ZNF423: variants seen among roughly 807,000 people sequenced by gnomAD.
ZNF423 encodes the protein zinc finger protein 423.
Under a neutral mutation model 95.8 loss-of-function variants are expected in ZNF423, and 12 were observed. The ratio of observed to expected loss-of-function variants is 0.13; its 90% CI spans 0.08 to 0.20. The LOEUF is 0.20. Among genes scored for constraint, ZNF423 ranks in the 10% least tolerant of loss-of-function variants. The pLI is 1.00. For missense variants in ZNF423, 1,316 were observed against 1,737.1 expected, an observed-to-expected ratio of 0.76 and a Z score of 4.31; for synonymous variants, 749 against 711.9, an observed-to-expected ratio of 1.05 and a Z score of -0.83.
chr16:49,562,086 G>C (rs1052497036), intron 5 of ZNF423, among the ~76,000 whole-genome samples: 1 of 152,174 alleles, frequency 6.6e-6, no homozygotes, highest in Non-Finnish European at 1.5e-5. Flanking sequence ...AGAAGCTGTA[G>C]ACATAATATC....
rs1441718763 is a variant in ZNF423, at chr16:49,636,562, T to C, written c.2614A>G (p.Lys872Glu). The C allele has an allele frequency of 1.2e-6, 2 of 1,613,956 alleles. No homozygotes were observed. The highest frequency in any genetic ancestry group is 1.7e-6 in the Non-Finnish European group (2 of 1,180,012). Residue 872 changes from lysine (K) to glutamate (E), a missense_variant, in exon 4 of 8, where the codon AAG (lysine) becomes GAG (glutamate). Lys to Glu is a moderately conservative substitution (Grantham distance 56). Transcript: ENST00000563137. This position sits in a 1 kb window ranked among gnomAD's most constrained non-coding sequence, Gnocchi z 8.6. ...TGGCTGTTAGGTGCCTCAGGGTTCT[T>C]AAGCAGCATGCCCTGCAGGTCAGCA... is the stretch of plus-strand genomic sequence containing the variant. ...EPADLQGMLL[K>E]NPEAPNSHEA...
At chr16:49,793,693 CAGAG>C (rs1037785338) in intron 1 of ZNF423, among the ~76,000 whole-genome samples, 18 of 152,108 alleles carry the variant, frequency 1.2e-4, no homozygotes, top group Non-Finnish European at 2.5e-4. Flanking sequence ...TGTGTGCACA[CAGAG>C]AGGAGGCATG....
Position 49,720,591 on chromosome 16 carries a change from A to T in ZNF423, c.301+10180T>A, listed in dbSNP as rs370741074. ...ATTGTTTCAACCACATTCAAACCAA[A>T]AAAGGTTTGAGGATATACACACCAA... On this transcript the variant is annotated intron_variant, in intron 3 of 7. Coordinates refer to ENST00000563137, the MANE Select transcript of ZNF423 (RefSeq NM_001379286.1). 2.1e-3 allele frequency among the ~76,000 whole-genome samples: 321 copies of T among 152,338 alleles called. 12 individuals carry two copies. The South Asian group carries it at 0.064, about 30-fold the overall frequency.
At chr16:49,529,871 G>T (rs1968775902) in intron 5 of ZNF423, among the ~76,000 whole-genome samples, 1 of 152,114 alleles carries the variant, frequency 6.6e-6, no homozygotes, top group Non-Finnish European at 1.5e-5. Context: ...AGCCACAACG[G>T]ATAGTCCCTG....
rs751807499 is a variant in ZNF423 at position 49,491,252 on chromosome 16, G to GA, written c.*22dup. 15 of 1,614,110 alleles carry GA rather than the reference G, an allele frequency of 9.3e-6. No homozygotes were observed. The South Asian group carries it at 1.4e-4, about 15-fold the overall frequency. ...GCGTCTCCGGCAAGCCTTCTGCGGA[G>GA]AGGTGTCCTGTTGAGCGATCCCTCA... On this transcript the variant is annotated 3_prime_UTR_variant, in exon 8 of 8. Transcript: ENST00000563137.
At chr16:49,688,009 A>T (rs1417058276) in intron 3 of ZNF423, among the ~76,000 whole-genome samples, 1 of 141,256 alleles carries the variant, frequency 7.1e-6, no homozygotes, top group Non-Finnish European at 1.5e-5. Context: ...TCCAGGAGGG[A>T]CCCAGGGACC....
intron 1 of ZNF423, among the ~76,000 whole-genome samples, chr16:49,836,527 C>T (rs1017561062): frequency 6.6e-6 from 1 of 152,256 alleles, no homozygotes; most frequent in South Asian, 2.1e-4. Flanking sequence ...CTGGCAGTTA[C>T]TCAGGCAGGC....
intron 5 of ZNF423, among the ~76,000 whole-genome samples, chr16:49,589,566 T>C (rs1323159450): frequency 6.6e-6 from 1 of 152,158 alleles, no homozygotes; most frequent in Non-Finnish European, 1.5e-5. Context: ...AAACCTTTTG[T>C]TCTTCTGGGG....
Position 49,626,228 on chromosome 16 carries a change from G to A in ZNF423, c.3543C>T (p.Cys1181=), listed in dbSNP as rs373620289. 23 of 1,613,862 alleles carry A rather than the reference G, an allele frequency of 1.4e-5. No homozygotes were observed. The highest frequency in any genetic ancestry group is 1.9e-5 in the Non-Finnish European group (23 of 1,179,912). The part of the protein sequence containing the change: ...PRKKTYQCIK[C]QMTFENEREI... ...CTCTCTCGTTCTCGAAGGTCATCTGGCACTTGATGCACTGGTATGTCTTTT... is the reference window on the plus strand; with the variant it reads ...CTCTCTCGTTCTCGAAGGTCATCTGACACTTGATGCACTGGTATGTCTTTT... Residue 1181 remains cysteine (C), a synonymous_variant, in exon 5 of 8, where the codon TGC becomes TGT. Transcript: ENST00000563137.
chr16:49,618,265 G>A (rs900454910), intron 5 of ZNF423, among the ~76,000 whole-genome samples: 6 of 152,210 alleles, frequency 3.9e-5, no homozygotes, highest in African/African-American at 1.4e-4. Flanking sequence ...AGGGTGAAGT[G>A]TGATAACACC....
chr16:49,748,431 C>T (rs779429321), intron 2 of ZNF423, among the ~76,000 whole-genome samples: 13 of 152,188 alleles, frequency 8.5e-5, no homozygotes, highest in Non-Finnish European at 1.3e-4. Flanking sequence ...GCTGGAAAAC[C>T]ACCTTCGGGG....
intron 5 of ZNF423, among the ~76,000 whole-genome samples, chr16:49,622,673 C>T (rs960356398): frequency 1.3e-5 from 2 of 152,196 alleles, no homozygotes; most frequent in Non-Finnish European, 2.9e-5. Context: ...CAGGCCCTGG[C>T]AGGGGCTCCA....
chr16:49,646,568 C>CTTTTTTTTTTTT (rs1194511671), intron 3 of ZNF423, among the ~76,000 whole-genome samples: 3 of 120,712 alleles, frequency 2.5e-5, no homozygotes, highest in East Asian at 2.4e-4. Flanking sequence ...ATTTTCTTTT[C>CTTTTTTTTTTTT]TTTTTCTTTT....
At chr16:49,795,373 C>A (rs961137533) in intron 1 of ZNF423, among the ~76,000 whole-genome samples, 2 of 152,192 alleles carry the variant, frequency 1.3e-5, no homozygotes, top group African/African-American at 2.4e-5. Context: ...CAATCCAGCT[C>A]CCTCATGGCG....
upstream of ZNF423, among the ~76,000 whole-genome samples, chr16:49,858,980 C>G (rs1263639154): frequency 1.3e-5 from 2 of 152,204 alleles, no homozygotes; most frequent in African/African-American, 4.8e-5. This position sits in a 1 kb window ranked among gnomAD's most constrained non-coding sequence, Gnocchi z 4.3. Context: ...GCTGCCTCTG[C>G]TAGAGGTAGG....
intron 1 of ZNF423, among the ~76,000 whole-genome samples, chr16:49,844,065 G>A (rs2144103449): frequency 6.6e-6 from 1 of 151,890 alleles, no homozygotes; most frequent in South Asian, 2.1e-4. Context: ...AGCCCGAGGT[G>A]GGAGAATCGT....
chr16:49,780,235 C>T (rs1250834369), intron 2 of ZNF423, among the ~76,000 whole-genome samples: 3 of 152,204 alleles, frequency 2.0e-5, no homozygotes, highest in Non-Finnish European at 4.4e-5. Context: ...ATGTGCACAG[C>T]AGGCATGTCG....
At position 49,710,802 on chromosome 16, in the gene ZNF423, G is replaced by A. The variant is rs559820712; in HGVS notation, c.301+19969C>T. Among the ~76,000 whole-genome samples, 222 of 152,348 alleles carry A rather than the reference G, an allele frequency of 1.5e-3. 1 individual carries two copies. The highest frequency in any genetic ancestry group is 2.4e-3 in the Non-Finnish European group (162 of 68,038). ...TGCTAAGGAACACTGTTTAATTCCC[G>A]AGGGGCTTGCCAGCCTGAGAGGACC... On this transcript the variant is annotated intron_variant, in intron 3 of 7. Coordinates refer to ENST00000563137, the MANE Select transcript of ZNF423 (RefSeq NM_001379286.1).
intron 2 of ZNF423, among the ~76,000 whole-genome samples, chr16:49,777,044 G>A (rs894581602): frequency 6.6e-6 from 1 of 152,122 alleles, no homozygotes; most frequent in African/African-American, 2.4e-5. Flanking sequence ...TGTTGGCAGT[G>A]TGAACACACT....
Sources: allele counts gnomAD v4.1 joint callset (sites outside exome capture counted in the v4.1 genomes callset), GRCh38; gene constraint gnomAD v4.1.1; non-coding constraint Gnocchi (gnomAD v3.1); transcripts MANE v1.5; gene names NCBI Gene and HGNC (gene_info 2026-07-23, HGNC 2026-07-21).